Variants in DCAF6 observed in about 807,000 individuals in gnomAD.
The protein encoded by DCAF6 is DDB1 and CUL4 associated factor 6.
DCAF6 carries 54 observed loss-of-function variants against 125.1 expected under a neutral mutation model. That is an observed-to-expected ratio of 0.43 (90% CI 0.35 to 0.54). DCAF6 has a LOEUF of 0.54. Ranked by LOEUF, DCAF6 falls within the 20% of genes least tolerant of loss-of-function variation. DCAF6 has a pLI of 0.01. For missense variants in DCAF6, 934 were observed against 1,161.7 expected (o/e 0.80, Z 2.85); for synonymous variants, 371 against 390.4 (o/e 0.95, Z 0.58).
At chr1:167,864,964 G>A in the DCAF6 span, among the ~76,000 whole-genome samples, 27 of 151,330 alleles carry the variant, frequency 1.8e-4, no homozygotes, top group African/African-American at 6.3e-4. Context: ...GTAAATTCTT[G>A]TCTTGAAATA....
intron 2 of DCAF6, among the ~76,000 whole-genome samples, chr1:167,964,836 C>T (rs564282060): frequency 6.6e-6 from 1 of 152,296 alleles, no homozygotes; most frequent in South Asian, 2.1e-4. Context: ...CTAATACGCC[C>T]ATCAGAGGCA....
chr1:168,049,431 G>GTTTTTGTTTTT (rs1689573481), intron 16 of DCAF6, among the ~76,000 whole-genome samples: 1 of 101,236 alleles, frequency 9.9e-6, no homozygotes, highest in Non-Finnish European at 1.9e-5. Flanking sequence ...TGTTGTTGTT[G>GTTTTTGTTTTT]TTTTTTTTTT....
At chr1:168,007,766 G>A (rs1466805065) in intron 10 of DCAF6, among the ~76,000 whole-genome samples, 1 of 151,500 alleles carries the variant, frequency 6.6e-6, no homozygotes, top group Non-Finnish European at 1.5e-5. Flanking sequence ...CTTAGTTTGG[G>A]CTCTCTTCTC....
intron 7 of DCAF6, among the ~76,000 whole-genome samples, chr1:167,997,241 A>G (rs1681857450): frequency 6.6e-6 from 1 of 152,202 alleles, no homozygotes; most frequent in South Asian, 2.1e-4. Context: ...CTGAGGTTGT[A>G]AAACCAGTTC....
the DCAF6 span, chr1:167,894,007 G>A: frequency 1.8e-6 from 2 of 1,087,898 alleles, no homozygotes; most frequent in Non-Finnish European, 1.4e-6. Flanking sequence ...CTAGTGAGAG[G>A]AGGCTCCCAG....
chr1:167,916,245 C>T, the DCAF6 span, among the ~76,000 whole-genome samples: 440 of 152,170 alleles, frequency 2.9e-3, 2 homozygotes, highest in African/African-American at 0.01. Context: ...TTGCTCTTGT[C>T]GCCCAGGCTG....
chr1:167,946,697 T>G (rs1018815133), intron 1 of DCAF6, among the ~76,000 whole-genome samples: 3 of 152,242 alleles, frequency 2.0e-5, no homozygotes, highest in African/African-American at 7.2e-5. Flanking sequence ...TGTTGACCTA[T>G]CCTTGCATTC....
the DCAF6 span, among the ~76,000 whole-genome samples, chr1:167,882,660 C>A: frequency 6.6e-6 from 1 of 151,918 alleles, no homozygotes; most frequent in South Asian, 2.1e-4. Context: ...CCTGAAACCC[C>A]TGGGTAATAC....
intron 12 of DCAF6, 150 bp downstream of exon 12, chr1:168,023,197 G>C: frequency 1.3e-6 from 1 of 786,552 alleles, no homozygotes; most frequent in Non-Finnish European, 2.1e-6. Context: ...AGGTGGTATT[G>C]TACATAAAAG....
chr1:167,925,962 C>A, the DCAF6 span, among the ~76,000 whole-genome samples: 11 of 152,192 alleles, frequency 7.2e-5, no homozygotes, highest in African/African-American at 2.7e-4. Context: ...TGCTGATTTT[C>A]TAATTTAATC....
chr1:167,985,874 C>T (rs977424166), intron 4 of DCAF6, among the ~76,000 whole-genome samples: 1 of 152,126 alleles, frequency 6.6e-6, no homozygotes, highest in Non-Finnish European at 1.5e-5. Context: ...CCCATAAGTC[C>T]TTTGTACCCC....
the DCAF6 span, among the ~76,000 whole-genome samples, chr1:167,884,040 T>G: frequency 1.3e-5 from 2 of 152,366 alleles, no homozygotes; most frequent in Admixed American, 1.3e-4. Flanking sequence ...ATGCAATGCG[T>G]AATAATCACA....
Position 168,044,691 on chromosome 1 carries a change from T to C in DCAF6, c.1930+20T>C. 6.3e-7 allele frequency: 1 copy of C among 1,578,916 alleles called. No homozygotes were observed. The highest frequency in any genetic ancestry group is 8.7e-7 in the Non-Finnish European group (1 of 1,149,034). On this transcript the variant is annotated intron_variant, in intron 15 of 21. Coordinates refer to ENST00000367840, the MANE Select transcript of DCAF6 (RefSeq NM_001198956.2). ...ATATAAGTGAGTTGCTCCCTTTAGA[T>C]AATTGCTTTGTATGGGAAAATAAAA...
chr1:168,062,135 TAAA>T (rs1691671007), intron 17 of DCAF6, among the ~76,000 whole-genome samples: 1 of 152,122 alleles, frequency 6.6e-6, no homozygotes, highest in Non-Finnish European at 1.5e-5. Flanking sequence ...AATTCTGAGC[TAAA>T]GAAGCTAGAC....
intron 17 of DCAF6, among the ~76,000 whole-genome samples, chr1:168,054,565 AGT>A (rs896021329): frequency 5.9e-5 from 9 of 152,252 alleles, no homozygotes; most frequent in African/African-American, 2.2e-4. Context: ...CTATAAACCA[AGT>A]GTGTGTTTTA....
the DCAF6 span, among the ~76,000 whole-genome samples, chr1:167,887,480 G>A: frequency 1.3e-5 from 2 of 152,074 alleles, no homozygotes; most frequent in Admixed American, 1.3e-4. Flanking sequence ...TCACTCATAG[G>A]TGGGAATTGA....
At chr1:167,911,607 G>A in the DCAF6 span, among the ~76,000 whole-genome samples, 1 of 152,244 alleles carries the variant, frequency 6.6e-6, no homozygotes. Context: ...CCAATGGGCA[G>A]TAGGGTGAAC....
the DCAF6 span, among the ~76,000 whole-genome samples, chr1:167,915,614 C>T: frequency 5.3e-5 from 8 of 152,130 alleles, no homozygotes; most frequent in East Asian, 1.5e-3. Context: ...CCATACCCAG[C>T]TAATTTTTTT....
chr1:168,068,888 C>T (rs549627057), intron 21 of DCAF6, among the ~76,000 whole-genome samples: 1 of 152,020 alleles, frequency 6.6e-6, no homozygotes, highest in East Asian at 1.9e-4. Context: ...GGTGCAGTGC[C>T]ACAGATACAT....
Sources: allele counts gnomAD v4.1 joint callset (sites outside exome capture counted in the v4.1 genomes callset), GRCh38; gene constraint gnomAD v4.1.1; transcripts MANE v1.5; gene names NCBI Gene and HGNC (gene_info 2026-07-23, HGNC 2026-07-21).